Variants in CFAP74 observed in about 807,000 individuals in gnomAD.
CFAP74 encodes the protein cilia and flagella associated protein 74.
CFAP74 carries 124 observed loss-of-function variants against 188.9 expected under a neutral mutation model. That is an observed-to-expected ratio of 0.66 (90% confidence interval 0.57 to 0.76). The LOEUF (loss-of-function observed/expected upper bound fraction) is 0.76. Among genes scored for constraint, CFAP74 ranks in the 30% least tolerant of loss-of-function variants. The probability of loss-of-function intolerance (pLI) is 0.00; values close to 1 mark genes in which losing one functional copy is unlikely to be tolerated. For synonymous variants in CFAP74, 956 were observed against 916.7 expected (o/e 1.04, Z -0.77); for missense variants, 2,198 against 2,165.2 (o/e 1.02, Z -0.30).
At chr1:1,936,204 C>T (rs367876404) in intron 25 of CFAP74, among the ~76,000 whole-genome samples, 14 of 131,176 alleles carry the variant, frequency 1.1e-4, no homozygotes, top group African/African-American at 2.1e-4. Context: ...GCAACAAGAG[C>T]GATGCTCCGT....
Position 1,968,137 on chromosome 1 carries a change from AATG to A in CFAP74, c.1245+495_1245+497del, listed in dbSNP as rs1288438430. ...TGAATGAAGAATGAGTGAGTGAATG[AATG>A]AAGAAAGAATGAGTGAGTGAACGAA... On this transcript the variant is annotated intron_variant, in intron 11 of 38. Transcript: ENST00000682832. The surrounding 1 kb of genome is among the most constrained non-coding windows in gnomAD (Gnocchi z 4.3). Among the ~76,000 whole-genome samples the A allele has an allele frequency of 1.3e-5, 2 of 152,234 alleles. No individual in the cohort carries two copies. Among genetic ancestry groups the A allele is most frequent in the Non-Finnish European group, 2.9e-5 (2 of 67,974 alleles).
intron 30 of CFAP74, 63 bp downstream of exon 30, chr1:1,926,589 T>G (rs1651918954): frequency 6.5e-7 from 1 of 1,545,252 alleles, no homozygotes; most frequent in South Asian, 1.2e-5. Context: ...GCCGTGGGGC[T>G]GGGGGAGGCG....
chr1:1,940,361 C>T lies in CFAP74; in HGVS notation c.2658G>A (p.Glu886=), dbSNP rs1284462723. 6.5e-7 allele frequency: 1 copy of T among 1,535,606 alleles called. No homozygotes were observed. The highest frequency in any genetic ancestry group is 8.7e-7 in the Non-Finnish European group (1 of 1,146,634). The change falls in exon 23 of 39, where the codon GAG becomes GAA. Residue 886 remains glutamate, a synonymous_variant. Coordinates refer to ENST00000682832, the MANE Select transcript of CFAP74 (RefSeq NM_001304360.2). ...PEDAGRYFDK[E]TRVLEAPMTI... is the part of the protein sequence containing the mutation. ...TCATCGGGGCCTCCAGGACTCGGGT[C>T]TCCTTGTCAAAATACCTCCCTGCGT... is the stretch of plus-strand genomic sequence containing the variant.
rs1403468275 is a variant in CFAP74 at position 1,973,795 on chromosome 1, C to T, written c.674+230G>A. Among the ~76,000 whole-genome samples the T allele has an allele frequency of 3.3e-5, 5 of 151,612 alleles. No individual in the cohort carries two copies. Among genetic ancestry groups the T allele is most frequent in the Non-Finnish European group, 5.9e-5 (4 of 67,946 alleles). On this transcript the variant is annotated intron_variant, in intron 7 of 38. Transcript: ENST00000682832. The surrounding 1 kb of genome is among the most constrained non-coding windows in gnomAD (Gnocchi z 6.2). ...AGCTTTAGCGGCTGTATGGTGGCTG[C>T]GGCATCTTGGGAGGGCTGGGGCTCT...
chr1:1,988,484 A>T, intron 4 of CFAP74, 28 bp downstream of exon 4: 4 of 1,606,504 alleles, frequency 2.5e-6, no homozygotes, highest in Non-Finnish European at 3.4e-6. Context: ...CAAGAGGTGC[A>T]GGTGCAGCGG....
At chr1:1,939,112 G>C in intron 24 of CFAP74, 124 bp from the exon 25 acceptor site, 1 of 1,029,652 alleles carries the variant, frequency 9.7e-7, no homozygotes, top group Non-Finnish European at 1.4e-6. Context: ...GTGAGGGTGA[G>C]AGTGTCGCTG....
rs540356169 is a variant in CFAP74, at chr1:1,988,639, C to A, written c.169G>T (p.Asp57Tyr). ...TTCTTCAATTTATCAGCATCAGTATCTAGTTCTTTCACTGAGCTTAGGATG... is the reference window on the plus strand; with the variant it reads ...TTCTTCAATTTATCAGCATCAGTATATAGTTCTTTCACTGAGCTTAGGATG... ...PGHSSSVKELDTDADKLKKKT... is the reference protein window; with the variant it reads ...PGHSSSVKELYTDADKLKKKT... The change falls in exon 4 of 39, where the codon GAT (aspartate) becomes TAT (tyrosine). Residue 57 changes from aspartate to tyrosine, a missense_variant. Transcript: ENST00000682832. 12 of 1,609,498 alleles carry A rather than the reference C, an allele frequency of 7.5e-6. No individual in the cohort carries two copies. In the Admixed American group the frequency reaches 1.0e-4, roughly 13 times the overall value.
Position 1,924,498 on chromosome 1 carries a change from G to C in CFAP74, c.4127C>G (p.Pro1376Arg), listed in dbSNP as rs768140757. 1.9e-6 allele frequency: 3 copies of C among 1,605,060 alleles called. No individual in the cohort carries two copies. The East Asian group carries it at 6.8e-5, about 36-fold the overall frequency. Residue 1376 changes from proline to arginine, a missense_variant, in exon 34 of 39, where the codon CCC (proline) becomes CGC (arginine). Coordinates refer to ENST00000682832, the MANE Select transcript of CFAP74 (RefSeq NM_001304360.2). ...GFKLQNNSLLPIKFSMHLDSL... is the reference protein window; with the variant it reads ...GFKLQNNSLLRIKFSMHLDSL... Reference sequence around the variant, plus strand: ...GTCCAGGTGCATGGAGAACTTGATGGGGAGCAGAGAGTTGTTCTGCAGCTG... The same window carrying C: ...GTCCAGGTGCATGGAGAACTTGATGCGGAGCAGAGAGTTGTTCTGCAGCTG...
chr1:1,990,926 C>A lies in CFAP74; in HGVS notation c.31G>T (p.Asp11Tyr). 1 of 1,613,144 alleles carries A rather than the reference C, an allele frequency of 6.2e-7. No individual in the cohort carries two copies. The highest frequency in any genetic ancestry group is 1.1e-5 in the South Asian group (1 of 90,702). MEDDGSLLPE[D>Y]ELLADALLLE... Reference sequence around the variant, plus strand: ...AGAAGGGCATCGGCCAAAAGCTCGTCCTCAGGGAGCAGGCTGCCGTCATCC... The same window carrying A: ...AGAAGGGCATCGGCCAAAAGCTCGTACTCAGGGAGCAGGCTGCCGTCATCC... The change falls in exon 2 of 39, where the codon GAC (aspartate) becomes TAC (tyrosine). Residue 11 changes from aspartate to tyrosine, a missense_variant. Asp to Tyr is a radical substitution (Grantham distance 160). Transcript: ENST00000682832.
chr1:1,995,927 A>AAAC (rs772907070), intron 1 of CFAP74, among the ~76,000 whole-genome samples: 1 of 152,100 alleles, frequency 6.6e-6, no homozygotes, highest in African/African-American at 2.4e-5. Context: ...AACAAAATGA[A>AAAC]AACAACAACA....
intron 25 of CFAP74, among the ~76,000 whole-genome samples, chr1:1,938,105 CCA>C (rs1653041880): frequency 7.0e-6 from 1 of 142,464 alleles, no homozygotes; most frequent in Non-Finnish European, 1.6e-5. Flanking sequence ...CCTTACACAC[CCA>C]CATACATGCA....
intron 1 of CFAP74, among the ~76,000 whole-genome samples, chr1:1,994,039 C>T (rs1344166668): frequency 6.6e-6 from 1 of 151,708 alleles, no homozygotes; most frequent in Non-Finnish European, 1.5e-5. Flanking sequence ...GTGGTGGGCA[C>T]CTGTAGTCCC....
chr1:1,946,801 C>T (rs1653804830), intron 19 of CFAP74, among the ~76,000 whole-genome samples, 189 bp downstream of exon 19: 1 of 152,226 alleles, frequency 6.6e-6, no homozygotes, highest in African/African-American at 2.4e-5. Context: ...GGCGGTGGCC[C>T]CATGCCAGCT....
At chr1:1,981,693 A>ATG (rs1400069286) in intron 6 of CFAP74, among the ~76,000 whole-genome samples, 1 of 111,952 alleles carries the variant, frequency 8.9e-6, no homozygotes, top group African/African-American at 3.7e-5. Context: ...GCGGACAGAC[A>ATG]CGGGGGCACG....
At chr1:1,933,798 TTTATG>T (rs1170702080) in intron 25 of CFAP74, among the ~76,000 whole-genome samples, 1 of 152,214 alleles carries the variant, frequency 6.6e-6, no homozygotes, top group East Asian at 1.9e-4. Context: ...TTTTACCTTT[TTTATG>T]TCTTTCTTCT....
intron 11 of CFAP74, among the ~76,000 whole-genome samples, chr1:1,966,985 C>T (rs535063310): frequency 8.1e-4 from 124 of 152,182 alleles, no homozygotes; most frequent in African/African-American, 2.6e-3. Flanking sequence ...TGCAGGCGCC[C>T]GCCACCACAC....
At chr1:1,998,095 T>G (rs373896171) in intron 1 of CFAP74, among the ~76,000 whole-genome samples, 55 of 152,192 alleles carry the variant, frequency 3.6e-4, no homozygotes, top group African/African-American at 1.2e-3. Context: ...CTGGCCAATA[T>G]GGTAAAACCT....
intron 18 of CFAP74, among the ~76,000 whole-genome samples, chr1:1,948,659 G>GCTCACT (rs1653956489): frequency 7.0e-6 from 1 of 141,868 alleles, no homozygotes; most frequent in Non-Finnish European, 1.5e-5. Flanking sequence ...TGTGATCACA[G>GCTCACT]CTCACTGCAG....
At chr1:1,986,389 C>T (rs535434760) in intron 5 of CFAP74, among the ~76,000 whole-genome samples, 74 of 152,278 alleles carry the variant, frequency 4.9e-4, no homozygotes, top group African/African-American at 1.8e-3. Flanking sequence ...TTGCCCCTGG[C>T]TGCTGGCCCT....
Sources: gnomAD v4.1 joint callset for allele counts (sites outside exome capture counted in the v4.1 genomes callset) on GRCh38, gnomAD v4.1.1 for gene constraint, Gnocchi (gnomAD v3.1) non-coding constraint, MANE v1.5 for transcripts, NCBI Gene and HGNC (gene_info 2026-07-23, HGNC 2026-07-21) for gene names.